The following SLC7A7 variants were observed in gnomAD, a reference collection of about 807,000 sequenced individuals.
SLC7A7 encodes the protein Y+L amino acid transporter 1.
A neutral mutation model predicts 47.9 loss-of-function variants in SLC7A7; 39 were observed. The observed-to-expected ratio is 0.81, with a 90% CI of 0.63 to 1.06. The LOEUF (loss-of-function observed/expected upper bound fraction) is 1.06. SLC7A7 is among the 50% of genes least tolerant of loss of function. The pLI is 0.00. For synonymous variants in SLC7A7, 234 were observed against 242.8 expected, an observed-to-expected ratio of 0.96 and a Z score of 0.34; for missense variants, 588 against 632.0, an observed-to-expected ratio of 0.93 and a Z score of 0.75.
At chr14:22,816,807 C>T (rs904338168), upstream of SLC7A7, among the ~76,000 whole-genome samples, 2 of 152,050 alleles carry the variant, frequency 1.3e-5, no homozygotes, top group Admixed American at 6.6e-5. Flanking sequence ...ACCATACATC[C>T]TCCCATTCTA....
At position 22,776,264 on chromosome 14, in the gene SLC7A7, G is replaced by A. The variant is rs2139389052; in HGVS notation, c.825C>T (p.Ile275=). 1 of 1,614,224 alleles carries A rather than the reference G, an allele frequency of 6.2e-7. No individual in the cohort carries two copies. Among genetic ancestry groups the A allele is most frequent in the Non-Finnish European group, 8.5e-7 (1 of 1,180,036 alleles). The change falls in exon 5 of 10, where the codon ATC becomes ATT. Residue 275 remains isoleucine, a synonymous_variant. Coordinates refer to ENST00000674313, the MANE Select transcript of SLC7A7 (RefSeq NM_003982.4). Reference sequence around the variant, plus strand: ...CAGTATAATAGGCCACATTGGTCAAGATATAGATGATGGTGACAATGGGCA... The same window carrying A: ...CAGTATAATAGGCCACATTGGTCAAAATATAGATGATGGTGACAATGGGCA... ...ISMPIVTIIY[I]LTNVAYYTVL...
Position 22,774,215 on chromosome 14 carries a change from T to TCCATA in SLC7A7, c.1246-104_1246-100dup. On this transcript the variant is annotated intron_variant, in intron 8 of 9. Transcript: ENST00000674313. ...AAGGATTAGCGCACTGAGCCTTCTT[T>TCCATA]CCATACCTTTAATTTCAACACATTA... 1.9e-6 allele frequency: 3 copies of TCCATA among 1,587,970 alleles called. No individual in the cohort carries two copies. In the South Asian group the frequency reaches 3.3e-5, roughly 18 times the overall value.
rs141632828 is a variant in SLC7A7, at chr14:22,774,013, G to A, written c.1349C>T (p.Ala450Val). The A allele has an allele frequency of 5.6e-6, 9 of 1,614,190 alleles. No homozygotes were observed. In the African/African-American group the frequency reaches 1.1e-4, roughly 19 times the overall value. The change falls in exon 9 of 10, where the codon GCC becomes GTC. Residue 450 changes from alanine to valine, a missense_variant. Physicochemically the swap from Ala to Val is moderately conservative, Grantham distance 64 (BLOSUM62 0). Coordinates refer to ENST00000674313, the MANE Select transcript of SLC7A7 (RefSeq NM_003982.4). ...GAAGTAAAAGGGCAGGCCTGAGAGGGCAATGGCAATGCCGATGAGGGAGTT... is the reference window on the plus strand; with the variant it reads ...GAAGTAAAAGGGCAGGCCTGAGAGGACAATGGCAATGCCGATGAGGGAGTT... The part of the protein sequence containing the change: ...TINSLIGIAI[A>V]LSGLPFYFLI...
chr14:22,799,751 G>A (rs1028274028), intron 2 of SLC7A7, among the ~76,000 whole-genome samples: 1 of 151,892 alleles, frequency 6.6e-6, no homozygotes, highest in African/African-American at 2.4e-5. Flanking sequence ...CACCGCCCTG[G>A]CCTGTTCCTA....
At chr14:22,817,097 C>T (rs943147055), upstream of SLC7A7, among the ~76,000 whole-genome samples, 2 of 151,346 alleles carry the variant, frequency 1.3e-5, no homozygotes, top group Admixed American at 1.3e-4. Flanking sequence ...CCCCATCCCC[C>T]TGGCCTGCCT....
intron 4 of SLC7A7, 120 bp downstream of exon 4, chr14:22,778,673 A>G (rs1446176710): frequency 3.7e-6 from 4 of 1,088,070 alleles, no homozygotes; most frequent in South Asian, 1.6e-5. Context: ...CCTCCCATCT[A>G]TTAAAATGAG....
At chr14:22,815,592 C>T (rs1288257184), upstream of SLC7A7, 1 of 454,082 alleles carries the variant, frequency 2.2e-6, no homozygotes, top group East Asian at 6.9e-5. Flanking sequence ...CAGCTAGGAG[C>T]TCTTGGCTCA....
At chr14:22,776,529 A>G (rs2038611172) in intron 4 of SLC7A7, among the ~76,000 whole-genome samples, 1 of 152,184 alleles carries the variant, frequency 6.6e-6, no homozygotes, top group Non-Finnish European at 1.5e-5. Flanking sequence ...AAGGAATATC[A>G]TATTAGGAGA....
intron 2 of SLC7A7, among the ~76,000 whole-genome samples, chr14:22,793,649 T>C (rs967007824): frequency 6.6e-6 from 1 of 151,882 alleles, no homozygotes; most frequent in African/African-American, 2.4e-5. Context: ...CTGTCTCTAC[T>C]AAAAATAAAA....
At chr14:22,792,079 C>T (rs1226541063) in intron 2 of SLC7A7, among the ~76,000 whole-genome samples, 2 of 152,106 alleles carry the variant, frequency 1.3e-5, no homozygotes, top group African/African-American at 2.4e-5. Flanking sequence ...CCGTGATCCA[C>T]CCGCCTTGGC....
chr14:22,784,693 T>G lies in SLC7A7; in HGVS notation c.500-4642A>C, dbSNP rs923535809. Reference sequence around the variant, plus strand: ...AATGGATCATCAAACCCAGCCTACATACGGTCCCCGGGAGTAGGAGACTAG... The same window carrying G: ...AATGGATCATCAAACCCAGCCTACAGACGGTCCCCGGGAGTAGGAGACTAG... On this transcript the variant is annotated intron_variant, in intron 2 of 9. Transcript: ENST00000674313. Among the ~76,000 whole-genome samples the G allele has an allele frequency of 5.3e-5, 8 of 151,744 alleles. No individual in the cohort carries two copies. In the East Asian group the frequency reaches 1.5e-3, roughly 29 times the overall value.
chr14:22,775,812 C>T (rs1771320679), intron 6 of SLC7A7, 21 bp downstream of exon 6: 1 of 1,573,240 alleles, frequency 6.4e-7, no homozygotes, highest in Non-Finnish European at 8.8e-7. Flanking sequence ...ATACACCCCT[C>T]ACAAAAGTTG....
rs983981220 is a variant in SLC7A7 at position 22,783,092 on chromosome 14, C to T, written c.500-3041G>A. Among the ~76,000 whole-genome samples the T allele has an allele frequency of 1.3e-5, 2 of 151,806 alleles. 1 individual carries two copies. The highest frequency in any genetic ancestry group is 1.3e-4 in the Admixed American group (2 of 15,238). On this transcript the variant is annotated intron_variant, in intron 2 of 9. Transcript: ENST00000674313. Reference sequence around the variant, plus strand: ...AGGACTACAAGTGCCCACCACCACACCTGGCTAATTTTTGTATTTTTAGTA... The same window carrying T: ...AGGACTACAAGTGCCCACCACCACATCTGGCTAATTTTTGTATTTTTAGTA...
intron 2 of SLC7A7, among the ~76,000 whole-genome samples, chr14:22,782,861 C>T (rs1045887544): frequency 6.6e-6 from 1 of 151,836 alleles, no homozygotes; most frequent in Non-Finnish European, 1.5e-5. Flanking sequence ...CTCCTGAGCT[C>T]AAGGGATCCT....
chr14:22,813,711 C>A (rs1023503563), intron 1 of SLC7A7, among the ~76,000 whole-genome samples: 1 of 152,130 alleles, frequency 6.6e-6, no homozygotes, highest in Non-Finnish European at 1.5e-5. Context: ...CAACCTCAGC[C>A]TCCCGGGTTC....
intron 2 of SLC7A7, among the ~76,000 whole-genome samples, chr14:22,810,078 A>T (rs1363268744): frequency 6.7e-6 from 1 of 149,402 alleles, no homozygotes; most frequent in Non-Finnish European, 1.5e-5. Flanking sequence ...CAACAGCAGA[A>T]AATTAAAAAG....
intron 2 of SLC7A7, among the ~76,000 whole-genome samples, chr14:22,808,834 A>T (rs768514669): frequency 4.5e-4 from 69 of 152,322 alleles, no homozygotes; most frequent in Non-Finnish European, 3.2e-4. Context: ...TCTAACCATA[A>T]CTACTCAGAT....
intron 2 of SLC7A7, among the ~76,000 whole-genome samples, chr14:22,800,797 G>A (rs907772435): frequency 5.9e-5 from 9 of 152,026 alleles, no homozygotes; most frequent in African/African-American, 1.9e-4. Context: ...AAATTAGCCG[G>A]GCGTGGTGGG....
chr14:22,777,217 G>A (rs1050592427), intron 4 of SLC7A7, among the ~76,000 whole-genome samples: 8 of 151,190 alleles, frequency 5.3e-5, no homozygotes, highest in Admixed American at 1.3e-4. Flanking sequence ...TAACGCACAG[G>A]AAAATGGGAG....
Sources: allele counts gnomAD v4.1 joint callset (sites outside exome capture counted in the v4.1 genomes callset), GRCh38; gene constraint gnomAD v4.1.1; transcripts MANE v1.5; gene names NCBI Gene and HGNC (gene_info 2026-07-23, HGNC 2026-07-21).